The following PCDHA6 variants were observed in gnomAD, a reference collection of about 807,000 sequenced individuals.
PCDHA6 encodes the protein protocadherin alpha-6.
A neutral mutation model predicts 60.3 loss-of-function variants in PCDHA6; 55 were observed. The observed-to-expected ratio is 0.91, with a 90% CI of 0.73 to 1.14. The LOEUF is 1.14. Among genes scored for constraint, PCDHA6 ranks in the 50% most tolerant of loss-of-function variants. The pLI is 0.00. For missense variants in PCDHA6, 1,327 were observed against 1,256.5 expected (o/e 1.06, Z -0.85); for synonymous variants, 652 against 557.9 (o/e 1.17, Z -2.38).
At chr5:140,849,677 C>A (rs2150445032) in intron 1 of PCDHA6, 1 of 1,598,728 alleles carries the variant, frequency 6.3e-7, no homozygotes, top group East Asian at 2.2e-5. Flanking sequence ...CCCACGTCCC[C>A]TTCAAGCTGG....
At chr5:141,001,723 A>T (rs936645287) in intron 3 of PCDHA6, among the ~76,000 whole-genome samples, 1 of 152,168 alleles carries the variant, frequency 6.6e-6, no homozygotes, top group Non-Finnish European at 1.5e-5. Flanking sequence ...GGAGCTTGAG[A>T]TATTTTACAA....
At chr5:140,944,566 A>G (rs782290531) in intron 1 of PCDHA6, among the ~76,000 whole-genome samples, 37 of 152,182 alleles carry the variant, frequency 2.4e-4, no homozygotes, top group African/African-American at 7.5e-4. Context: ...CTGGCAACTT[A>G]CTGTAGAGAT....
chr5:140,890,931 C>T (rs2062870447), intron 1 of PCDHA6, among the ~76,000 whole-genome samples: 1 of 152,090 alleles, frequency 6.6e-6, no homozygotes, highest in Admixed American at 6.6e-5. Context: ...TTCCTTTAGT[C>T]CAAAGATGCT....
intron 1 of PCDHA6, chr5:140,870,392 G>A (rs1330154432): frequency 1.9e-6 from 3 of 1,614,136 alleles, no homozygotes; most frequent in South Asian, 2.2e-5. Context: ...CGGGATGGGG[G>A]TTCGCCTTCT....
At chr5:140,890,700 A>T (rs1265643590) in intron 1 of PCDHA6, among the ~76,000 whole-genome samples, 1 of 152,214 alleles carries the variant, frequency 6.6e-6, no homozygotes, top group East Asian at 1.9e-4. Context: ...CAGGGACCTT[A>T]CATTTTTAAA....
At chr5:140,952,529 G>A (rs1404753711) in intron 1 of PCDHA6, among the ~76,000 whole-genome samples, 1 of 152,084 alleles carries the variant, frequency 6.6e-6, no homozygotes, top group East Asian at 1.9e-4. Context: ...GACCTCCTCA[G>A]ACTGGACTTC....
chr5:141,001,253 C>G (rs896546841), intron 3 of PCDHA6, among the ~76,000 whole-genome samples: 1 of 152,078 alleles, frequency 6.6e-6, no homozygotes, highest in East Asian at 1.9e-4. Context: ...CCCTATGGGG[C>G]GGGCACTCTT....
chr5:140,879,894 T>C (rs2153369518), intron 1 of PCDHA6, among the ~76,000 whole-genome samples: 1 of 152,348 alleles, frequency 6.6e-6, no homozygotes. Context: ...CTCCTCTCCA[T>C]GTCTCTCTCT....
intron 3 of PCDHA6, among the ~76,000 whole-genome samples, chr5:140,987,901 T>C (rs1554249667): frequency 6.6e-6 from 1 of 152,180 alleles, no homozygotes. Context: ...TAGTTTTATA[T>C]GGGGATTTAT....
At chr5:140,877,594 T>G (rs782719581) in intron 1 of PCDHA6, 110 of 1,613,680 alleles carry the variant, frequency 6.8e-5, no homozygotes, top group Non-Finnish European at 9.3e-5. Context: ...CTGTGCGGTG[T>G]CCAGCCTGCT....
At chr5:140,943,613 C>G (rs1490811039) in intron 1 of PCDHA6, among the ~76,000 whole-genome samples, 1 of 152,026 alleles carries the variant, frequency 6.6e-6, no homozygotes, top group African/African-American at 2.4e-5. Context: ...GACTTTGATT[C>G]ATCTGCATAA....
intron 1 of PCDHA6, among the ~76,000 whole-genome samples, chr5:140,922,795 G>C (rs1393016233): frequency 7.9e-5 from 12 of 152,152 alleles, no homozygotes; most frequent in African/African-American, 2.9e-4. Context: ...TGTAGCTTTG[G>C]AATACAGAAA....
intron 1 of PCDHA6, among the ~76,000 whole-genome samples, chr5:140,831,520 CTTTTTTTTTT>C (rs35178185): frequency 8.2e-5 from 10 of 122,404 alleles, no homozygotes; most frequent in African/African-American, 3.2e-4. Flanking sequence ...TGCCCCCCAC[CTTTTTTTTTT>C]TTTTTTTTTT....
At chr5:140,916,592 G>A (rs1554197534) in intron 1 of PCDHA6, among the ~76,000 whole-genome samples, 2 of 152,164 alleles carry the variant, frequency 1.3e-5, no homozygotes, top group Non-Finnish European at 2.9e-5. Flanking sequence ...ATGAGCTAGG[G>A]CCTGGAATGC....
At chr5:140,980,189 A>T (rs2096879459) in intron 2 of PCDHA6, among the ~76,000 whole-genome samples, 1 of 152,226 alleles carries the variant, frequency 6.6e-6, no homozygotes, top group African/African-American at 2.4e-5. Context: ...CTTTATATTT[A>T]TTAGAGACCA....
At chr5:140,976,832 A>G (rs246001) in intron 1 of PCDHA6, among the ~76,000 whole-genome samples, 14,161 of 152,268 alleles carry the variant, frequency 0.093, 806 homozygotes, top group Middle Eastern at 0.22. Context: ...AATGAGCAAA[A>G]CAGATATAAT....
In PCDHA6 at chr5:140,876,882, G is replaced by A. The variant is rs377092859; in HGVS notation, c.2394+46397G>A. The A allele has an allele frequency of 3.2e-5, 52 of 1,614,140 alleles. 1 individual carries two copies. The African/African-American group carries it at 4.3e-4, about 13-fold the overall frequency. On this transcript the variant is annotated intron_variant, in intron 1 of 3. Transcript: ENST00000529310. ...TGTTCGTGAAGGAGAACAACCCGCC[G>A]GGCTGCCACATCTTCACGGTGTCGG...
intron 1 of PCDHA6, among the ~76,000 whole-genome samples, chr5:140,916,747 G>T (rs1445361224): frequency 2.6e-5 from 4 of 152,220 alleles, no homozygotes; most frequent in African/African-American, 9.6e-5. Context: ...TTCACTGCCT[G>T]GGATTAGGGG....
chr5:140,864,153 T>C (rs1209982386), intron 1 of PCDHA6: 8 of 152,216 alleles, frequency 5.3e-5, no homozygotes, highest in African/African-American at 1.9e-4. Context: ...AATGAGAAAG[T>C]TAAATCTTAC....
Sources: gnomAD v4.1 joint callset for allele counts (sites outside exome capture counted in the v4.1 genomes callset) on GRCh38, gnomAD v4.1.1 for gene constraint, MANE v1.5 for transcripts, NCBI Gene and HGNC (gene_info 2026-07-23, HGNC 2026-07-21) for gene names.